Variants in RMND5B observed in about 807,000 individuals in gnomAD.
RMND5B encodes the protein required for meiotic nuclear division 5 homolog B, also known as E3 ubiquitin-protein transferase RMND5B.
A neutral mutation model predicts 50.4 loss-of-function variants in RMND5B; 42 were observed. The observed-to-expected ratio is 0.83, with a 90% confidence interval of 0.65 to 1.08. RMND5B has a LOEUF of 1.08. Ranked by LOEUF, RMND5B falls within the 50% of genes least tolerant of loss-of-function variation. RMND5B has a pLI of 0.00. For synonymous variants in RMND5B, 220 were observed against 210.0 expected (o/e 1.05, Z -0.41); for missense variants, 463 against 508.5 (o/e 0.91, Z 0.86).
chr5:178,132,929 A>G (rs907377465), intron 2 of RMND5B, among the ~76,000 whole-genome samples: 1 of 149,148 alleles, frequency 6.7e-6, no homozygotes, highest in African/African-American at 2.5e-5. Flanking sequence ...CAGTGGCGCC[A>G]TCTCAGCTCA....
Position 178,138,161 on chromosome 5 carries a change from C to G in RMND5B, c.42C>G (p.Val14=). The G allele has an allele frequency of 1.2e-6, 2 of 1,612,876 alleles. No individual in the cohort carries two copies. Among genetic ancestry groups the G allele is most frequent in the Non-Finnish European group, 1.7e-6 (2 of 1,179,506 alleles). The change falls in exon 3 of 11, where the codon GTC becomes GTG. Residue 14 remains valine, a synonymous_variant. Transcript: ENST00000313386. The surrounding 1 kb of genome is among the most constrained non-coding windows in gnomAD (Gnocchi z 5.1). ...CACVERELDK[V]LQKFLTYGQH... is the part of the protein sequence containing the mutation. ...GCGTGGAGAGAGAGCTGGACAAGGT[C>G]CTGCAGAAGTTCCTGACCTACGGGC... is the stretch of plus-strand genomic sequence containing the variant.
In RMND5B at chr5:178,138,643, C is replaced by T. The variant is rs7710096; in HGVS notation, c.139+385C>T. Among the ~76,000 whole-genome samples the T allele has an allele frequency of 0.41, 61,573 of 151,324 alleles. 13,668 individuals carry two copies. The highest frequency in any genetic ancestry group is 0.5 in the Non-Finnish European group (34,163 of 67,878). On this transcript the variant is annotated intron_variant, in intron 3 of 10. Transcript: ENST00000313386. This position sits in a 1 kb window ranked among gnomAD's most constrained non-coding sequence, Gnocchi z 5.1. ...CCTCCCAAAGTGCTGGAATTATATG[C>T]GTGAGCCACCATGCCTGGCCTATTT...
intron 3 of RMND5B, 53 bp from the exon 4 acceptor site, chr5:178,142,530 A>G: frequency 6.4e-7 from 1 of 1,565,062 alleles, no homozygotes; most frequent in Non-Finnish European, 8.7e-7. Flanking sequence ...TCTGCTGCCA[A>G]GGCAGGTGCC....
At chr5:178,147,470 G>A (rs1002098717) in intron 8 of RMND5B, 63 bp from the exon 9 acceptor site, 18 of 1,323,340 alleles carry the variant, frequency 1.4e-5, no homozygotes, top group East Asian at 7.1e-5. Flanking sequence ...AGCATGGCGC[G>A]CTGGCCCTTT....
In RMND5B at chr5:178,149,172, G is replaced by C. The variant is rs1443232401; in HGVS notation, c.*1140G>C. On this transcript the variant is annotated 3_prime_UTR_variant, in exon 11 of 11. Transcript: ENST00000313386. ...GCTCCTGGGTTAAGTTAGGAATGGGGGTGTTCCTGATGTGGGGGCTTTAGG... is the reference window on the plus strand; with the variant it reads ...GCTCCTGGGTTAAGTTAGGAATGGGCGTGTTCCTGATGTGGGGGCTTTAGG... 6.5e-6 allele frequency: 1 copy of C among 153,036 alleles called. No homozygotes were observed. Among genetic ancestry groups the C allele is most frequent in the East Asian group, 1.9e-4 (1 of 5,204 alleles). 9.5% of individuals were successfully genotyped at this position (153,036 alleles called of 1,614,324 possible). A position where few individuals can be genotyped will look rare whatever the true frequency, so the allele number is the denominator to read the frequency against.
intron 7 of RMND5B, among the ~76,000 whole-genome samples, chr5:178,144,603 C>T (rs535708447): frequency 2.3e-4 from 35 of 151,846 alleles, no homozygotes; most frequent in Admixed American, 8.5e-4. Flanking sequence ...GGCGTTGTGG[C>T]GGGCGTTTGT....
intron 6 of RMND5B, 47 bp from the exon 7 acceptor site, chr5:178,143,895 T>C (rs1561637329): frequency 1.9e-6 from 3 of 1,601,636 alleles, no homozygotes; most frequent in African/African-American, 1.3e-5. Flanking sequence ...GGCTCTCAGG[T>C]CCTAGCCCCC....
intron 2 of RMND5B, among the ~76,000 whole-genome samples, 197 bp downstream of exon 2, chr5:178,131,573 TAAAAAA>T (rs33915769): frequency 3.6e-5 from 5 of 139,232 alleles, no homozygotes; most frequent in African/African-American, 8.0e-5. Context: ...GACTGTATAG[TAAAAAA>T]AAAAAAAAAA....
chr5:178,139,474 T>A (rs1391468105), intron 3 of RMND5B, among the ~76,000 whole-genome samples: 1 of 151,672 alleles, frequency 6.6e-6, no homozygotes, highest in Non-Finnish European at 1.5e-5. Context: ...CCCAAAGTGC[T>A]AGGATTATAG....
intron 7 of RMND5B, among the ~76,000 whole-genome samples, chr5:178,144,759 G>A (rs991769990): frequency 2.7e-5 from 4 of 149,304 alleles, no homozygotes; most frequent in Non-Finnish European, 5.9e-5. Flanking sequence ...GATGGCTCAT[G>A]CCTGTAATTG....
At chr5:178,146,337 T>C in intron 8 of RMND5B, 58 bp downstream of exon 8, 1 of 1,533,842 alleles carries the variant, frequency 6.5e-7, no homozygotes, top group South Asian at 1.2e-5. Flanking sequence ...TAATCATCAT[T>C]TGCCAAGGCC....
Position 178,137,645 on chromosome 5 carries a change from G to A in RMND5B, c.-12-463G>A, listed in dbSNP as rs1278129046. ...ATCAAGGTTGCCATGAGCTGAGTTT[G>A]TGCCACTGCACTCTAGCCAGGGCAA... On this transcript the variant is annotated intron_variant, in intron 2 of 10. Transcript: ENST00000313386. This position sits in a 1 kb window ranked among gnomAD's most constrained non-coding sequence, Gnocchi z 4.4. 6.6e-6 allele frequency among the ~76,000 whole-genome samples: 1 copy of A among 152,126 alleles called. No homozygotes were observed. Among genetic ancestry groups the A allele is most frequent in the Non-Finnish European group, 1.5e-5 (1 of 68,022 alleles).
intron 2 of RMND5B, among the ~76,000 whole-genome samples, chr5:178,136,927 A>C (rs907629868): frequency 2.0e-5 from 3 of 151,980 alleles, no homozygotes; most frequent in African/African-American, 7.3e-5. Context: ...ATGAGGAGGG[A>C]AGGTTGTGTT....
At chr5:178,133,124 A>C (rs1758426086) in intron 2 of RMND5B, among the ~76,000 whole-genome samples, 1 of 152,058 alleles carries the variant, frequency 6.6e-6, no homozygotes, top group African/African-American at 2.4e-5. Flanking sequence ...CGGCCTCCCA[A>C]AGTGCTGGGA....
chr5:178,139,513 G>A (rs938357490), intron 3 of RMND5B, among the ~76,000 whole-genome samples: 12 of 147,664 alleles, frequency 8.1e-5, no homozygotes, highest in Non-Finnish European at 1.6e-4. Context: ...AGCCAGTGTA[G>A]TCAACATTTC....
At chr5:178,145,920 CTG>C in intron 7 of RMND5B, 192 bp from the exon 8 acceptor site, 1 of 571,024 alleles carries the variant, frequency 1.8e-6, no homozygotes, top group Non-Finnish European at 3.1e-6. Context: ...CAGAAGCAGC[CTG>C]GACCTCCACC....
chr5:178,143,489 T>A, intron 5 of RMND5B, 138 bp from the exon 6 acceptor site: 1 of 684,038 alleles, frequency 1.5e-6, no homozygotes, highest in Middle Eastern at 2.5e-4. Context: ...CCCAAGTGGC[T>A]GGCAGGAGAC....
intron 2 of RMND5B, chr5:178,135,158 GTTTT>G (rs1195067315): frequency 8.6e-6 from 1 of 116,498 alleles, no homozygotes; most frequent in African/African-American, 4.1e-5. Flanking sequence ...TTTGTTTTTT[GTTTT>G]TTTGAGACAG....
At position 178,138,953 on chromosome 5, in the gene RMND5B, C is replaced by T. The variant is rs1425911657; in HGVS notation, c.139+695C>T. ...CAGTGGCTCACGCCTGTAATCCCAG[C>T]ACTTCGGGAGCCCGAGGCCGACAGA... On this transcript the variant is annotated intron_variant, in intron 3 of 10. Coordinates refer to ENST00000313386, the MANE Select transcript of RMND5B (RefSeq NM_022762.5). This position sits in a 1 kb window ranked among gnomAD's most constrained non-coding sequence, Gnocchi z 5.1. Among the ~76,000 whole-genome samples, 5 of 152,104 alleles carry T rather than the reference C, an allele frequency of 3.3e-5. No individual in the cohort carries two copies. The highest frequency in any genetic ancestry group is 5.9e-5 in the Non-Finnish European group (4 of 68,028).
Sources: allele counts gnomAD v4.1 joint callset (sites outside exome capture counted in the v4.1 genomes callset), GRCh38; gene constraint gnomAD v4.1.1; non-coding constraint Gnocchi (gnomAD v3.1); transcripts MANE v1.5; gene names NCBI Gene and HGNC (gene_info 2026-07-23, HGNC 2026-07-21).